Variants in DPPA2 observed in about 807,000 individuals in gnomAD.
The protein encoded by DPPA2 is developmental pluripotency-associated protein 2.
In DPPA2, 26 loss-of-function variants were observed where a neutral mutation model predicts 36.2. That is an observed-to-expected ratio of 0.72 (90% CI 0.53 to 1.00). DPPA2 has a LOEUF of 1.00. Ranked by LOEUF, DPPA2 falls within the 50% of genes least tolerant of loss-of-function variation. The pLI, the probability that DPPA2 is intolerant of heterozygous loss-of-function variation, is 0.00. For missense variants in DPPA2, 361 were observed against 365.1 expected, an observed-to-expected ratio of 0.99 and a Z score of 0.09; for synonymous variants, 113 against 123.2, an observed-to-expected ratio of 0.92 and a Z score of 0.55.
At chr3:109,298,895 A>C (rs1707407198) in intron 8 of DPPA2, among the ~76,000 whole-genome samples, 1 of 151,976 alleles carries the variant, frequency 6.6e-6, no homozygotes, top group African/African-American at 2.4e-5. Flanking sequence ...AATTAAAAAA[A>C]ATTAGCTGGG....
intron 8 of DPPA2, among the ~76,000 whole-genome samples, chr3:109,300,014 C>G (rs1216945454): frequency 6.6e-6 from 1 of 152,174 alleles, no homozygotes; most frequent in African/African-American, 2.4e-5. Context: ...CATGGGAATA[C>G]ATGGGAACCC....
At chr3:109,304,433 A>G (rs764935809) in intron 7 of DPPA2, 42 bp downstream of exon 7, 2 of 1,540,662 alleles carry the variant, frequency 1.3e-6, no homozygotes, top group African/African-American at 2.8e-5. Flanking sequence ...CTATACACCT[A>G]CTTTTCTGTG....
intron 1 of DPPA2, 61 bp from the exon 2 acceptor site, chr3:109,314,616 T>C (rs1707760432): frequency 6.8e-7 from 1 of 1,472,832 alleles, no homozygotes; most frequent in South Asian, 1.3e-5. Context: ...TAACCTGCTT[T>C]CTCCTTTTAT....
In DPPA2 at chr3:109,308,265, C is replaced by G; in HGVS notation, c.425G>C (p.Arg142Thr). ...GCGTTTCCTCGAACATCGCTGTAATCTGGTCTCTTGTGACATTTCAGGCAT... is the reference window on the plus strand; with the variant it reads ...GCGTTTCCTCGAACATCGCTGTAATGTGGTCTCTTGTGACATTTCAGGCAT... ...QDMPEMSQETRLQRCSRKRKA... is the reference protein window; with the variant it reads ...QDMPEMSQETTLQRCSRKRKA... Residue 142 changes from arginine to threonine, a missense_variant, in exon 6 of 9, where the codon AGA becomes ACA. By Grantham distance (71) the Arg-to-Thr change is moderately conservative. Transcript: ENST00000478945. 1 of 1,614,218 alleles carries G rather than the reference C, an allele frequency of 6.2e-7. No individual in the cohort carries two copies. The highest frequency in any genetic ancestry group is 8.5e-7 in the Non-Finnish European group (1 of 1,180,036).
Position 109,304,586 on chromosome 3 carries a change from G to C in DPPA2, c.743C>G (p.Ala248Gly), listed in dbSNP as rs148597515. 26 of 1,613,928 alleles carry C rather than the reference G, an allele frequency of 1.6e-5. No individual in the cohort carries two copies. The highest frequency in any genetic ancestry group is 2.1e-5 in the Non-Finnish European group (25 of 1,180,002). ...WVRLQFHAGQ[A>G]WVPTTHRRMI... is the part of the protein sequence containing the mutation. Reference sequence around the variant, plus strand: ...CCTCCTGTGAGTGGTAGGCACCCAGGCCTGACCTGCATGAAACTGCAGGCG... The same window carrying C: ...CCTCCTGTGAGTGGTAGGCACCCAGCCCTGACCTGCATGAAACTGCAGGCG... Residue 248 changes from alanine to glycine, a missense_variant, in exon 7 of 9, where the codon GCC becomes GGC. Transcript: ENST00000478945.
In DPPA2 at chr3:109,306,300, C is replaced by G. The variant is rs141328915; in HGVS notation, c.659-1630G>C. On this transcript the variant is annotated intron_variant, in intron 6 of 8. Transcript: ENST00000478945. ...ATTATTAAAAATTAGAAAGAGGTGT[C>G]CTCTTTGGGAAGGCAGTGCCCCCAG... 1.2e-3 allele frequency among the ~76,000 whole-genome samples: 184 copies of G among 152,276 alleles called. 1 individual carries two copies. The Middle Eastern group carries it at 0.017, about 14-fold the overall frequency.
Position 109,312,611 on chromosome 3 carries a change from G to T in DPPA2, c.115C>A (p.Gln39Lys), listed in dbSNP as rs558711849. 6.2e-7 allele frequency: 1 copy of T among 1,613,842 alleles called. No individual in the cohort carries two copies. The highest frequency in any genetic ancestry group is 1.1e-5 in the South Asian group (1 of 91,040). Reference protein sequence around the residue: ...VPVKDDANMEQMEPSVSSTSD... With the variant: ...VPVKDDANMEKMEPSVSSTSD... ...GTTGAAGAAACGCTTGGTTCCATTT[G>T]TTCCATATTTGCGTCATCTTTAACT... The change falls in exon 3 of 9, where the codon CAA becomes AAA. Residue 39 changes from glutamine to lysine, a missense_variant. Physicochemically the swap from Gln to Lys is moderately conservative, Grantham distance 53. Transcript: ENST00000478945.
intron 2 of DPPA2, among the ~76,000 whole-genome samples, chr3:109,313,680 C>T (rs145499111): frequency 1.8e-4 from 28 of 152,262 alleles, no homozygotes; most frequent in African/African-American, 6.0e-4. Context: ...CTTCTCAAAT[C>T]CAAGGGTGAA....
chr3:109,309,344 G>A lies in DPPA2; in HGVS notation c.182-14C>T, dbSNP rs1194970373. 6.2e-7 allele frequency: 1 copy of A among 1,613,358 alleles called. No individual in the cohort carries two copies. Among genetic ancestry groups the A allele is most frequent in the Non-Finnish European group, 8.5e-7 (1 of 1,179,472 alleles). On this transcript the variant is annotated splice_polypyrimidine_tract_variant and intron_variant, in intron 3 of 8. Coordinates refer to ENST00000478945, the MANE Select transcript of DPPA2 (RefSeq NM_138815.4). ...GAAGTAGATGACCTAAGACAAGAATGGAACCAAAGTAGTAATAATTTAAAG... is the reference window on the plus strand; with the variant it reads ...GAAGTAGATGACCTAAGACAAGAATAGAACCAAAGTAGTAATAATTTAAAG...
At chr3:109,298,636 A>G (rs1025893471) in intron 8 of DPPA2, among the ~76,000 whole-genome samples, 5 of 151,176 alleles carry the variant, frequency 3.3e-5, no homozygotes, top group Non-Finnish European at 5.9e-5. Flanking sequence ...GAATCGCTTG[A>G]ACCTGGGAGG....
chr3:109,304,668 C>A lies in DPPA2; in HGVS notation c.661G>T (p.Val221Phe). The change falls in exon 7 of 9, where the codon GTC (valine) becomes TTC (phenylalanine). Residue 221 changes from valine to phenylalanine, a missense_variant and splice_region_variant. By Grantham distance (50) the Val-to-Phe change is conservative. Transcript: ENST00000478945. ...CTGCCATGGACCACACACCACCTGA[C>A]GCCTGGAAAGGAAAAACAAATATAG... is the stretch of plus-strand genomic sequence containing the variant. ...VEAFLMQASG[V>F]RWCVVHGRLL... is the part of the protein sequence containing the mutation. 6.3e-7 allele frequency: 1 copy of A among 1,580,998 alleles called. No homozygotes were observed. The highest frequency in any genetic ancestry group is 8.6e-7 in the Non-Finnish European group (1 of 1,165,900).
chr3:109,297,530 C>CA (rs76719839), intron 8 of DPPA2, among the ~76,000 whole-genome samples: 1,344 of 118,380 alleles, frequency 0.011, 3 homozygotes, highest in Non-Finnish European at 0.017. Context: ...GAGTCTGTCT[C>CA]AAAAAAAAAA....
rs115927354 is a variant in DPPA2, at chr3:109,298,773, A to G, written c.*22+1598T>C. Among the ~76,000 whole-genome samples, 1,306 of 151,804 alleles carry G rather than the reference A, an allele frequency of 8.6e-3. 20 individuals carry two copies. The highest frequency in any genetic ancestry group is 0.029 in the African/African-American group (1,205 of 41,398). On this transcript the variant is annotated intron_variant, in intron 8 of 8. Coordinates refer to ENST00000478945, the MANE Select transcript of DPPA2 (RefSeq NM_138815.4). The stretch of plus-strand genomic sequence containing the variant: ...GCCAGGCACAGTGGCTCACGCCTGT[A>G]ATCCCTGCACTTTGGAAGATTAAGC...
At chr3:109,308,322 A>G in intron 5 of DPPA2, 29 bp from the exon 6 acceptor site, 1 of 1,611,304 alleles carries the variant, frequency 6.2e-7, no homozygotes. Context: ...ATGAGTATTC[A>G]GTAAACCGCT....
intron 8 of DPPA2, among the ~76,000 whole-genome samples, chr3:109,296,953 G>A (rs1264183424): frequency 6.6e-6 from 1 of 151,972 alleles, no homozygotes; most frequent in Non-Finnish European, 1.5e-5. Flanking sequence ...AGCCAGGCAT[G>A]GTAATGTGCA....
chr3:109,308,786 G>C (rs530909082), intron 5 of DPPA2, among the ~76,000 whole-genome samples: 3 of 152,180 alleles, frequency 2.0e-5, no homozygotes, highest in Non-Finnish European at 2.9e-5. Context: ...AACTGTGCAG[G>C]GGGAGGAAAG....
rs140319899 is a variant in DPPA2, at chr3:109,294,766, G to A, written c.*23-762C>T. On this transcript the variant is annotated intron_variant, in intron 8 of 8. Coordinates refer to ENST00000478945, the MANE Select transcript of DPPA2 (RefSeq NM_138815.4). ...TAGCTGGGCGCGGCGGCTCATGCCT[G>A]TAATCTCAGCACTTTGGGAAACCGA... Among the ~76,000 whole-genome samples the A allele has an allele frequency of 2.1e-3, 316 of 152,320 alleles. 2 individuals are homozygous for A. The highest frequency in any genetic ancestry group is 6.8e-3 in the African/African-American group (281 of 41,576).
chr3:109,296,018 CT>C (rs1559693286), intron 8 of DPPA2, among the ~76,000 whole-genome samples: 1 of 152,012 alleles, frequency 6.6e-6, no homozygotes, highest in Admixed American at 6.6e-5. Flanking sequence ...AATGAAAAAT[CT>C]TTTTAAAAAG....
intron 7 of DPPA2, 109 bp from the exon 8 acceptor site, chr3:109,300,544 G>A (rs1396961488): frequency 3.4e-5 from 37 of 1,074,786 alleles, no homozygotes; most frequent in South Asian, 1.2e-4. Context: ...CTTCTGGGCC[G>A]GGTGTGGTGG....
Sources: gnomAD v4.1 joint callset for allele counts (sites outside exome capture counted in the v4.1 genomes callset) on GRCh38, gnomAD v4.1.1 for gene constraint, MANE v1.5 for transcripts, NCBI Gene and HGNC (gene_info 2026-07-23, HGNC 2026-07-21) for gene names.